The following KLK14 variants were observed in gnomAD, a reference collection of about 807,000 sequenced individuals.
KLK14 encodes the protein kallikrein-14.
A neutral mutation model predicts 24.6 loss-of-function variants in KLK14; 21 were observed. The ratio of observed to expected loss-of-function variants is 0.85; its 90% confidence interval spans 0.61 to 1.23. The LOEUF (loss-of-function observed/expected upper bound fraction) is 1.23, where lower values mean the gene tolerates loss of function less well. Ranked by LOEUF, KLK14 falls within the 50% of genes most tolerant of loss-of-function variation. The pLI, the probability that KLK14 is intolerant of heterozygous loss-of-function variation, is 0.00. For missense variants in KLK14, 320 were observed against 338.9 expected, an observed-to-expected ratio of 0.94 and a Z score of 0.44; for synonymous variants, 133 against 139.7, an observed-to-expected ratio of 0.95 and a Z score of 0.34.
At position 51,079,720 on chromosome 19, in the gene KLK14, G is replaced by A. The variant is rs2091827853; in HGVS notation, c.213-18C>T. 1.9e-6 allele frequency: 3 copies of A among 1,543,170 alleles called. No individual in the cohort carries two copies. Among genetic ancestry groups the A allele is most frequent in the Non-Finnish European group, 2.6e-6 (3 of 1,145,968 alleles). On this transcript the variant is annotated intron_variant, in intron 3 of 5. Transcript: ENST00000650543. ...GAAGGATCCTGGCCACGACCCCCAA[G>A]AGAAGCGCTGCTCAGGGTCTGAGCC...
At chr19:51,084,036 G>A (rs2091856328), upstream of KLK14, 1 of 152,704 alleles carries the variant, frequency 6.5e-6, no homozygotes, top group African/African-American at 2.4e-5. Flanking sequence ...AGGCCTAGAT[G>A]AGAGATGGCA....
At chr19:51,079,384 C>T (rs973659096) in intron 4 of KLK14, 65 bp downstream of exon 4, 41 of 1,484,706 alleles carry the variant, frequency 2.8e-5, no homozygotes, top group Non-Finnish European at 3.7e-5. Flanking sequence ...CCCCCCAGCT[C>T]CACCTCCTGG....
chr19:51,081,544 T>A lies in KLK14; in HGVS notation c.200A>T (p.His67Leu). ...GGGGGTCACTTACGGGCGGCCGCAG[T>A]GAGCAGCAGTGATGACCCACTGGCC... ...LSGQWVITAA[H>L]CGRPILQVAL... Residue 67 changes from histidine to leucine, a missense_variant, in exon 3 of 6, where the codon CAC (histidine) becomes CTC (leucine). His to Leu is a moderately conservative substitution (Grantham distance 99). Coordinates refer to ENST00000650543, the MANE Select transcript of KLK14 (RefSeq NM_001369775.2). The A allele has an allele frequency of 6.6e-7, 1 of 1,520,488 alleles. No homozygotes were observed. The allele number at this position is 1,520,488 out of a possible 1,614,324, so 94.2% of individuals were successfully genotyped here.
rs1373855245 is a variant in KLK14, at chr19:51,079,441, G to A, written c.466+8C>T. On this transcript the variant is annotated splice_region_variant and intron_variant, in intron 4 of 5. Coordinates refer to ENST00000650543, the MANE Select transcript of KLK14 (RefSeq NM_001369775.2). ...GTCCCCTGCTTTCCAAGACGCAGGA[G>A]TCCTCACCGATGGGGCTGGATATAG... 6.2e-7 allele frequency: 1 copy of A among 1,605,026 alleles called. No individual in the cohort carries two copies. Among genetic ancestry groups the A allele is most frequent in the East Asian group, 2.2e-5 (1 of 44,654 alleles).
chr19:51,083,828 G>A (rs745376226), upstream of KLK14, among the ~76,000 whole-genome samples: 8 of 152,006 alleles, frequency 5.3e-5, no homozygotes, highest in Admixed American at 3.3e-4. Flanking sequence ...GAGAGAGGCC[G>A]AGACGCCCCC....
chr19:51,078,107 G>T lies in KLK14; in HGVS notation c.656C>A (p.Ser219Tyr), dbSNP rs371041103. ...CAGGGCGCAGCGCTCCATTCCCCAAGACACGAGGCCCTGGAGCTGTCCTCT... is the reference window on the plus strand; with the variant it reads ...CAGGGCGCAGCGCTCCATTCCCCAATACACGAGGCCCTGGAGCTGTCCTCT... ...VCRGQLQGLV[S>Y]WGMERCALPG... The change falls in exon 6 of 6, where the codon TCT becomes TAT. Residue 219 changes from serine to tyrosine, a missense_variant. By Grantham distance (144) the Ser-to-Tyr change is moderately radical (BLOSUM62 -2). Coordinates refer to ENST00000650543, the MANE Select transcript of KLK14 (RefSeq NM_001369775.2). The surrounding 1 kb of genome is among the most constrained non-coding windows in gnomAD (Gnocchi z 5.0). 1 of 1,613,942 alleles carries T rather than the reference G, an allele frequency of 6.2e-7. No homozygotes were observed. The highest frequency in any genetic ancestry group is 2.2e-5 in the East Asian group (1 of 44,882).
rs200002398 is a variant in KLK14, at chr19:51,082,786, G to C, written c.-87C>G. On this transcript the variant is annotated 5_prime_UTR_variant, in exon 1 of 6. Coordinates refer to ENST00000650543, the MANE Select transcript of KLK14 (RefSeq NM_001369775.2). ...AGAGGTAGGGACCAGAGACGAGGGGGGCGGGGCCTGCAGGCTCTGCGGGCG... is the reference window on the plus strand; with the variant it reads ...AGAGGTAGGGACCAGAGACGAGGGGCGCGGGGCCTGCAGGCTCTGCGGGCG... 39 of 1,607,604 alleles carry C rather than the reference G, an allele frequency of 2.4e-5. No individual in the cohort carries two copies. Among genetic ancestry groups the C allele is most frequent in the Non-Finnish European group, 3.2e-5 (38 of 1,177,462 alleles).
upstream of KLK14, among the ~76,000 whole-genome samples, chr19:51,083,722 G>A (rs1195883064): frequency 6.6e-6 from 1 of 151,754 alleles, no homozygotes; most frequent in Non-Finnish European, 1.5e-5. Flanking sequence ...AGAGAGGGGT[G>A]TGGAGAAGTG....
chr19:51,083,286 GGAGAGA>G (rs756954891), upstream of KLK14, among the ~76,000 whole-genome samples: 7 of 133,468 alleles, frequency 5.2e-5, no homozygotes, highest in South Asian at 2.6e-4. Context: ...AGGGAGAGAG[GGAGAGA>G]GAGAGAGAGA....
chr19:51,083,462 G>C (rs556336448), upstream of KLK14, among the ~76,000 whole-genome samples: 100 of 151,816 alleles, frequency 6.6e-4, 9 homozygotes, highest in East Asian at 4.5e-3. Context: ...GAGAAAGAGA[G>C]AGACAGAGAC....
Position 51,082,622 on chromosome 19 carries a change from G to A in KLK14, c.-8C>T, listed in dbSNP as rs1361806284. The A allele has an allele frequency of 1.2e-6, 2 of 1,614,070 alleles. No individual in the cohort carries two copies. Among genetic ancestry groups the A allele is most frequent in the East Asian group, 4.5e-5 (2 of 44,900 alleles). Reference sequence around the variant, plus strand: ...TGTCAGCAGGAGGAACATTTTAGGGGCTGAGGGCCAGGTCCTGTCAAATGC... The same window carrying A: ...TGTCAGCAGGAGGAACATTTTAGGGACTGAGGGCCAGGTCCTGTCAAATGC... On this transcript the variant is annotated 5_prime_UTR_variant, in exon 2 of 6. Coordinates refer to ENST00000650543, the MANE Select transcript of KLK14 (RefSeq NM_001369775.2).
chr19:51,082,946 A>G (rs1338724752), upstream of KLK14: 1 of 604,736 alleles, frequency 1.7e-6, no homozygotes. Flanking sequence ...CCCTGCCCCC[A>G]CCTCCCGCCG....
Position 51,082,846 on chromosome 19 carries a change from C to T in KLK14, c.-147G>A, listed in dbSNP as rs972866807. The T allele has an allele frequency of 1.1e-4, 149 of 1,320,852 alleles. No homozygotes were observed. Among genetic ancestry groups the T allele is most frequent in the Non-Finnish European group, 7.4e-5 (70 of 940,716 alleles). 81.8% of individuals were successfully genotyped at this position (1,320,852 alleles called of 1,614,324 possible). A position where few individuals can be genotyped will look rare whatever the true frequency, so the allele number is the denominator to read the frequency against. On this transcript the variant is annotated 5_prime_UTR_variant, in exon 1 of 6. Coordinates refer to ENST00000650543, the MANE Select transcript of KLK14 (RefSeq NM_001369775.2). ...AGGATGTGGAGCAGGGCACAGGTCCCTCCTTGATGTCTTGATGAAGGAAGG... is the reference window on the plus strand; with the variant it reads ...AGGATGTGGAGCAGGGCACAGGTCCTTCCTTGATGTCTTGATGAAGGAAGG...
upstream of KLK14, among the ~76,000 whole-genome samples, chr19:51,083,337 G>A (rs1190005614): frequency 1.5e-4 from 22 of 148,932 alleles, no homozygotes; most frequent in Non-Finnish European, 1.6e-4. Context: ...GAGAGAGAAA[G>A]ACAGAGAGAC....
upstream of KLK14, among the ~76,000 whole-genome samples, chr19:51,083,382 G>C (rs993973586): frequency 3.1e-5 from 4 of 128,536 alleles, no homozygotes; most frequent in African/African-American, 1.1e-4. Context: ...AGGGTGACGG[G>C]GGGGAGAGAG....
chr19:51,082,594 T>G lies in KLK14; in HGVS notation c.21A>C (p.Ala7=), dbSNP rs776086488. 1 of 1,614,084 alleles carries G rather than the reference T, an allele frequency of 6.2e-7. No individual in the cohort carries two copies. Among genetic ancestry groups the G allele is most frequent in the East Asian group, 2.2e-5 (1 of 44,882 alleles). The change falls in exon 2 of 6, where the codon GCA becomes GCC. Residue 7 remains alanine (A), a synonymous_variant. Coordinates refer to ENST00000650543, the MANE Select transcript of KLK14 (RefSeq NM_001369775.2). MFLLLT[A]LQVLAIAMTQ... is the part of the protein sequence containing the mutation. ...TCTTACCTATAGCCAGGACTTGAAG[T>G]GCTGTCAGCAGGAGGAACATTTTAG... is the stretch of plus-strand genomic sequence containing the variant.
At chr19:51,080,492 A>G (rs764688692) in intron 3 of KLK14, among the ~76,000 whole-genome samples, 7 of 152,092 alleles carry the variant, frequency 4.6e-5, no homozygotes, top group Non-Finnish European at 1.0e-4. Flanking sequence ...TCTGGCCTTT[A>G]TATTCTAGAC....
intron 3 of KLK14, 114 bp downstream of exon 3, chr19:51,081,418 C>T: frequency 9.9e-7 from 1 of 1,008,788 alleles, no homozygotes; most frequent in Non-Finnish European, 1.3e-6. Flanking sequence ...GACCTCAAAC[C>T]AGGAGCCAGC....
At chr19:51,082,981 T>TA, upstream of KLK14, 1 of 592,468 alleles carries the variant, frequency 1.7e-6, no homozygotes. Context: ...TTTTTTTTTT[T>TA]TTATTGCCTA....
Sources: allele counts gnomAD v4.1 joint callset (sites outside exome capture counted in the v4.1 genomes callset), GRCh38; gene constraint gnomAD v4.1.1; non-coding constraint Gnocchi (gnomAD v3.1); transcripts MANE v1.5; gene names NCBI Gene and HGNC (gene_info 2026-07-23, HGNC 2026-07-21).